PEAK1: variants seen among roughly 807,000 people sequenced by gnomAD.
PEAK1 encodes the protein pseudopodium enriched atypical kinase 1.
Under a neutral mutation model 124.7 loss-of-function variants are expected in PEAK1, and 54 were observed. That is an observed-to-expected ratio of 0.43 (90% CI 0.35 to 0.54). The LOEUF is 0.54. Ranked by LOEUF, PEAK1 falls within the 20% of genes least tolerant of loss-of-function variation. PEAK1 has a pLI of 0.01. For synonymous variants in PEAK1, 719 were observed against 760.0 expected, an observed-to-expected ratio of 0.95 and a Z score of 0.89; for missense variants, 2,046 against 2,134.5, an observed-to-expected ratio of 0.96 and a Z score of 0.82.
At chr15:77,351,591 G>A (rs975894975) in intron 2 of PEAK1, 7 of 507,270 alleles carry the variant, frequency 1.4e-5, no homozygotes, top group South Asian at 8.4e-5. Context: ...CTTTGAGCCC[G>A]TATGCTCAGG....
At chr15:77,254,126 T>C (rs573982312) in intron 5 of PEAK1, among the ~76,000 whole-genome samples, 1 of 152,314 alleles carries the variant, frequency 6.6e-6, no homozygotes, top group African/African-American at 2.4e-5. Context: ...GGCCTATCTT[T>C]GGACTTTAGT....
intron 8 of PEAK1, among the ~76,000 whole-genome samples, chr15:77,139,961 C>G (rs1265142560): frequency 6.6e-6 from 1 of 152,028 alleles, no homozygotes; most frequent in South Asian, 2.1e-4. Context: ...CTGCTGTAAT[C>G]TCTGTGCCAA....
At chr15:77,115,388 T>A (rs2051273080) in intron 9 of PEAK1, 69 bp from the exon 10 acceptor site, 1 of 1,408,412 alleles carries the variant, frequency 7.1e-7, no homozygotes, top group African/African-American at 1.4e-5. Context: ...CAGGGAAGAT[T>A]AACTGGAAGG....
chr15:77,229,652 T>C (rs2059821983), intron 6 of PEAK1, among the ~76,000 whole-genome samples: 3 of 150,646 alleles, frequency 2.0e-5, no homozygotes, highest in African/African-American at 7.3e-5. Context: ...TTTCTTTCTT[T>C]TTTTTTTTTT....
At chr15:77,351,599 A>C in intron 2 of PEAK1, 2 of 582,714 alleles carry the variant, frequency 3.4e-6, no homozygotes, top group Non-Finnish European at 4.3e-6. Flanking sequence ...CCGTATGCTC[A>C]GGCCCACTCC....
At chr15:77,302,385 T>A (rs982919501) in intron 2 of PEAK1, among the ~76,000 whole-genome samples, 1 of 152,226 alleles carries the variant, frequency 6.6e-6, no homozygotes. Context: ...ATGAATCCAT[T>A]ACCACATGGA....
chr15:77,255,132 T>A (rs2061067051), intron 5 of PEAK1, among the ~76,000 whole-genome samples: 1 of 152,164 alleles, frequency 6.6e-6, no homozygotes, highest in Non-Finnish European at 1.5e-5. Flanking sequence ...CTAATGCTCC[T>A]AGAAAAAATG....
At position 77,333,394 on chromosome 15, in the gene PEAK1, T is replaced by C. The variant is rs186073689; in HGVS notation, c.-603+31769A>G. The C allele has an allele frequency of 1.1e-5, 11 of 981,196 alleles. No individual in the cohort carries two copies. In the East Asian group the frequency reaches 1.1e-3, roughly 101 times the overall value. 60.8% of individuals were successfully genotyped at this position (981,196 alleles called of 1,614,324 possible). On this transcript the variant is annotated intron_variant, in intron 2 of 9. Transcript: ENST00000682557. ...AAACCAATGGTGGTTTTGTGGTTTC[T>C]AACTGAGTAGAAGTCTGGGTATTTT...
intron 8 of PEAK1, chr15:77,155,488 CAA>C (rs1343075812): frequency 1.3e-5 from 2 of 152,254 alleles, no homozygotes; most frequent in African/African-American, 4.8e-5. Context: ...CTCAACTCGT[CAA>C]AGTCATTCTC....
At chr15:77,352,612 T>C in intron 2 of PEAK1, 1 of 950,930 alleles carries the variant, frequency 1.1e-6, no homozygotes, top group South Asian at 4.8e-5. Flanking sequence ...AGCAACTTCA[T>C]ACCATACTCA....
rs138025010 is a variant in PEAK1 at position 77,236,954 on chromosome 15, A to T, written c.-115+15413T>A. Among the ~76,000 whole-genome samples the T allele has an allele frequency of 3.1e-3, 474 of 152,278 alleles. 2 individuals carry two copies. Among genetic ancestry groups the T allele is most frequent in the Non-Finnish European group, 5.5e-3 (376 of 68,014 alleles). On this transcript the variant is annotated intron_variant, in intron 6 of 9. Transcript: ENST00000682557. Reference sequence around the variant, plus strand: ...CTTTGCTTCCCCTTCGCCTTCTGCCATAATTGTTAAGTTTCTTGAGGTCTT... The same window carrying T: ...CTTTGCTTCCCCTTCGCCTTCTGCCTTAATTGTTAAGTTTCTTGAGGTCTT...
At chr15:77,162,725 C>G (rs1201730054) in intron 7 of PEAK1, among the ~76,000 whole-genome samples, 2 of 151,956 alleles carry the variant, frequency 1.3e-5, no homozygotes, top group African/African-American at 4.8e-5. Flanking sequence ...TTTCTGAATG[C>G]TTTGATTTTC....
rs1018025449 is a variant in PEAK1, at chr15:77,341,549, T to C, written c.-603+23614A>G. 3.3e-5 allele frequency among the ~76,000 whole-genome samples: 5 copies of C among 152,038 alleles called. 1 individual carries two copies. In the South Asian group the frequency reaches 8.3e-4, roughly 25 times the overall value. Reference sequence around the variant, plus strand: ...TGAGCTTTGGTGTTCACAGTTTTTATTGAGGGGTTATTACATAGGCATGAT... The same window carrying C: ...TGAGCTTTGGTGTTCACAGTTTTTACTGAGGGGTTATTACATAGGCATGAT... On this transcript the variant is annotated intron_variant, in intron 2 of 9. Coordinates refer to ENST00000682557, the MANE Select transcript of PEAK1 (RefSeq NM_001385026.1).
chr15:77,253,246 G>GGC (rs1469067842), intron 5 of PEAK1, among the ~76,000 whole-genome samples: 11 of 143,978 alleles, frequency 7.6e-5, no homozygotes, highest in Non-Finnish European at 1.4e-4. Context: ...GGTATGCGTT[G>GGC]GGGGGGGGGT....
intron 2 of PEAK1, chr15:77,346,546 C>A: frequency 1.0e-6 from 1 of 985,342 alleles, no homozygotes; most frequent in Non-Finnish European, 1.2e-6. Context: ...ACCCACCTGG[C>A]AAGCAGAAAA....
At chr15:77,253,252 G>T (rs1193238482) in intron 5 of PEAK1, among the ~76,000 whole-genome samples, 1 of 149,060 alleles carries the variant, frequency 6.7e-6, no homozygotes, top group African/African-American at 2.5e-5. Context: ...CGTTGGGGGG[G>T]GGGTGGTCCT....
chr15:77,205,737 T>C (rs1168773048), intron 6 of PEAK1, among the ~76,000 whole-genome samples: 2 of 152,326 alleles, frequency 1.3e-5, no homozygotes, highest in Non-Finnish European at 2.9e-5. Context: ...GTGAAGATGC[T>C]TGATAGCCAG....
chr15:77,365,603 G>A (rs535393022), intron 1 of PEAK1, among the ~76,000 whole-genome samples: 1 of 152,204 alleles, frequency 6.6e-6, no homozygotes, highest in African/African-American at 2.4e-5. Context: ...AGCTGGACAT[G>A]GTGGTGTGTG....
intron 1 of PEAK1, among the ~76,000 whole-genome samples, chr15:77,411,759 C>T (rs1220134446): frequency 6.6e-6 from 1 of 152,150 alleles, no homozygotes; most frequent in Non-Finnish European, 1.5e-5. Context: ...TGGGCCAGCA[C>T]ACCCAGCTAA....
Sources: allele counts gnomAD v4.1 joint callset (sites outside exome capture counted in the v4.1 genomes callset), GRCh38; gene constraint gnomAD v4.1.1; transcripts MANE v1.5; gene names NCBI Gene and HGNC (gene_info 2026-07-23, HGNC 2026-07-21).